The following RBFOX3 variants were observed in gnomAD, a reference collection of about 807,000 sequenced individuals.
The protein encoded by RBFOX3 is RNA binding protein fox-1 homolog 3.
A neutral mutation model predicts 48.7 loss-of-function variants in RBFOX3; 17 were observed. The observed-to-expected ratio is 0.35, with a 90% CI of 0.24 to 0.52. RBFOX3 has a LOEUF of 0.52. Among genes scored for constraint, RBFOX3 ranks in the 20% least tolerant of loss-of-function variants. RBFOX3 has a pLI of 0.94. For synonymous variants in RBFOX3, 212 were observed against 209.5 expected (o/e 1.01, Z -0.10); for missense variants, 382 against 497.5 (o/e 0.77, Z 2.21).
intron 1 of RBFOX3, among the ~76,000 whole-genome samples, chr17:79,511,851 C>A (rs2084285278): frequency 6.7e-6 from 1 of 149,596 alleles, no homozygotes; most frequent in Non-Finnish European, 1.5e-5. Context: ...GGTACAGCCC[C>A]ATGGCCAGGG....
intron 2 of RBFOX3, among the ~76,000 whole-genome samples, chr17:79,404,657 A>AC (rs147736108): frequency 0.22 from 32,635 of 151,076 alleles, 4,288 homozygotes; most frequent in Non-Finnish European, 0.3. Flanking sequence ...CCTCCTCACC[A>AC]CCCCTGTGGG....
At chr17:79,308,895 G>C (rs1035095502) in intron 2 of RBFOX3, among the ~76,000 whole-genome samples, 7 of 152,078 alleles carry the variant, frequency 4.6e-5, no homozygotes, top group Non-Finnish European at 8.8e-5. Context: ...GAGGCGGGGG[G>C]ATCACTTGAG....
chr17:79,363,310 C>T lies in RBFOX3; in HGVS notation c.-174-55486G>A, dbSNP rs138114427. Reference sequence around the variant, plus strand: ...CAGGGGACTCTTTAAAGGGCAAATGCGCTGTGAATGGAGACTCTCTTGGCA... The same window carrying T: ...CAGGGGACTCTTTAAAGGGCAAATGTGCTGTGAATGGAGACTCTCTTGGCA... On this transcript the variant is annotated intron_variant, in intron 2 of 14. Coordinates refer to ENST00000693108, the MANE Select transcript of RBFOX3 (RefSeq NM_001350451.2). The surrounding 1 kb of genome is among the most constrained non-coding windows in gnomAD (Gnocchi z 4.7). Among the ~76,000 whole-genome samples the T allele has an allele frequency of 6.6e-6, 1 of 152,172 alleles. No individual in the cohort carries two copies. Among genetic ancestry groups the T allele is most frequent in the East Asian group, 1.9e-4 (1 of 5,150 alleles).
At chr17:79,314,326 AAC>A (rs1176511175) in intron 2 of RBFOX3, among the ~76,000 whole-genome samples, 1 of 152,124 alleles carries the variant, frequency 6.6e-6, no homozygotes, top group Non-Finnish European at 1.5e-5. Context: ...AGCTCCAACA[AAC>A]ACAACACACC....
chr17:79,540,138 C>T (rs551270648), intron 1 of RBFOX3, among the ~76,000 whole-genome samples: 1 of 152,326 alleles, frequency 6.6e-6, no homozygotes, highest in South Asian at 2.1e-4. Flanking sequence ...GGTAATCACA[C>T]GCATGCACAC....
intron 2 of RBFOX3, among the ~76,000 whole-genome samples, chr17:79,425,616 G>A (rs1237654224): frequency 6.6e-6 from 1 of 152,248 alleles, no homozygotes; most frequent in African/African-American, 2.4e-5. Flanking sequence ...AGACCCTGCT[G>A]AGCTGTGCAC....
chr17:79,449,920 C>T (rs1300044327), intron 2 of RBFOX3, among the ~76,000 whole-genome samples: 1 of 152,120 alleles, frequency 6.6e-6, no homozygotes, highest in African/African-American at 2.4e-5. Flanking sequence ...CCAGCCCGCT[C>T]GTTAATTAAT....
chr17:79,368,460 T>A (rs1401007437), intron 2 of RBFOX3, among the ~76,000 whole-genome samples: 1 of 152,204 alleles, frequency 6.6e-6, no homozygotes, highest in Non-Finnish European at 1.5e-5. Context: ...GACGCCCGCA[T>A]TTGCAGATGG....
chr17:79,283,839 A>C lies in RBFOX3; in HGVS notation c.-74+23885T>G, dbSNP rs547536190. Among the ~76,000 whole-genome samples, 6 of 152,170 alleles carry C rather than the reference A, an allele frequency of 3.9e-5. No individual in the cohort carries two copies. In the South Asian group the frequency reaches 1.0e-3, roughly 26 times the overall value. Reference sequence around the variant, plus strand: ...CTCTATGACTGCTTCAAAACCAACTAATTTCCCTTTGTTTGAGACATCGTA... The same window carrying C: ...CTCTATGACTGCTTCAAAACCAACTCATTTCCCTTTGTTTGAGACATCGTA... On this transcript the variant is annotated intron_variant, in intron 3 of 14. Transcript: ENST00000693108.
intron 4 of RBFOX3, among the ~76,000 whole-genome samples, chr17:79,188,607 C>T (rs60285871): frequency 0.12 from 18,596 of 152,230 alleles, 1,289 homozygotes; most frequent in South Asian, 0.22. Context: ...CCTCTCCCCT[C>T]GGGGGCCCAG....
At chr17:79,605,159 A>C (rs1473805205) in intron 1 of RBFOX3, among the ~76,000 whole-genome samples, 1 of 151,894 alleles carries the variant, frequency 6.6e-6, no homozygotes, top group Admixed American at 6.6e-5. Flanking sequence ...TGCAGAAGAG[A>C]ATCTGATCTG....
chr17:79,521,676 CACAG>C (rs1431172220), intron 1 of RBFOX3, among the ~76,000 whole-genome samples: 6 of 152,054 alleles, frequency 3.9e-5, no homozygotes, highest in Non-Finnish European at 7.4e-5. Context: ...CATATGAACT[CACAG>C]ACACACTCAT....
intron 5 of RBFOX3, 116 bp downstream of exon 5, chr17:79,115,378 T>G (rs1278240156): frequency 5.1e-6 from 3 of 583,210 alleles, no homozygotes; most frequent in African/African-American, 1.9e-5. Flanking sequence ...ACAGAGGCCC[T>G]GCCCAGGCCC....
At chr17:79,521,693 TCA>T (rs1203918029) in intron 1 of RBFOX3, among the ~76,000 whole-genome samples, 1 of 151,220 alleles carries the variant, frequency 6.6e-6, no homozygotes, top group Non-Finnish European at 1.5e-5. Flanking sequence ...ACACTCATAC[TCA>T]CACACGGAGA....
intron 4 of RBFOX3, among the ~76,000 whole-genome samples, chr17:79,138,629 A>AC: frequency 2.0e-5 from 1 of 49,864 alleles, no homozygotes; most frequent in East Asian, 6.0e-4. Context: ...ACGTGTTCAC[A>AC]CCTCCTCACC....
At chr17:79,634,519 G>A in the RBFOX3 span, among the ~76,000 whole-genome samples, 19 of 152,100 alleles carry the variant, frequency 1.2e-4, no homozygotes, top group Non-Finnish European at 2.2e-4. Flanking sequence ...GAACCCCGGC[G>A]TTCCCATAGA....
At chr17:79,605,434 C>T (rs1044943041) in intron 1 of RBFOX3, among the ~76,000 whole-genome samples, 5 of 152,170 alleles carry the variant, frequency 3.3e-5, no homozygotes, top group Admixed American at 2.6e-4. Context: ...CGCCAGCTGG[C>T]TTCCACTCAC....
intron 1 of RBFOX3, among the ~76,000 whole-genome samples, chr17:79,532,876 C>A (rs888004341): frequency 6.6e-6 from 1 of 152,216 alleles, no homozygotes; most frequent in Non-Finnish European, 1.5e-5. Context: ...GAAGGGGTGG[C>A]CCCTGTCGAA....
At chr17:79,635,233 G>A in the RBFOX3 span, among the ~76,000 whole-genome samples, 2 of 152,284 alleles carry the variant, frequency 1.3e-5, no homozygotes, top group South Asian at 2.1e-4. Context: ...GTTAAGGGCT[G>A]GAGGGGGCAT....
Sources: allele counts gnomAD v4.1 joint callset (sites outside exome capture counted in the v4.1 genomes callset), GRCh38; gene constraint gnomAD v4.1.1; non-coding constraint Gnocchi (gnomAD v3.1); transcripts MANE v1.5; gene names NCBI Gene and HGNC (gene_info 2026-07-23, HGNC 2026-07-21).